Variants in SETD2 observed in about 807,000 individuals in gnomAD.
The protein encoded by SETD2 is histone-lysine N-methyltransferase SETD2.
A neutral mutation model predicts 242.1 loss-of-function variants in SETD2; 31 were observed. The ratio of observed to expected loss-of-function variants is 0.13; its 90% CI spans 0.10 to 0.17. The LOEUF (loss-of-function observed/expected upper bound fraction) is 0.17, where lower values mean the gene tolerates loss of function less well. Ranked by LOEUF, SETD2 falls within the 10% of genes least tolerant of loss-of-function variation. The probability of loss-of-function intolerance (pLI) is 1.00; values close to 1 mark genes in which losing one functional copy is unlikely to be tolerated. For missense variants in SETD2, 2,481 were observed against 3,046.3 expected (o/e 0.81, Z 4.37); for synonymous variants, 1,006 against 1,066.5 (o/e 0.94, Z 1.11).
rs575386011 is a variant in SETD2 at position 47,066,395 on chromosome 3, T to C, written c.6109+675A>G. On this transcript the variant is annotated intron_variant, in intron 13 of 20. Coordinates refer to ENST00000409792, the MANE Select transcript of SETD2 (RefSeq NM_014159.7). ...CAGGGCCTCACTTTGTTGCTCAGGC[T>C]GGAGTACAGTGGCACGATCATGGCT... Among the ~76,000 whole-genome samples, 9 of 152,220 alleles carry C rather than the reference T, an allele frequency of 5.9e-5. 1 individual carries two copies. The East Asian group carries it at 1.5e-3, about 26-fold the overall frequency.
In SETD2 at chr3:47,084,163, G is replaced by A. The variant is rs2107639659; in HGVS notation, c.5617C>T (p.Pro1873Ser). Residue 1873 changes from proline (P) to serine (S), a missense_variant, in exon 12 of 21, where the codon CCC becomes TCC. Pro to Ser is a moderately conservative substitution (Grantham distance 74). This residue lies in a region of SETD2 where 203 missense variants were observed against 222.4 expected (regional missense o/e 0.91). Transcript: ENST00000409792. Reference protein sequence around the residue: ...KLSTEADTDTPKKLMFRRLKI... With the variant: ...KLSTEADTDTSKKLMFRRLKI... ...AGTCTGCGAAACATTAGTTTCTTGG[G>A]AGTGTCTGTGTCAGCTTCTGTGCTC... 1.9e-6 allele frequency: 3 copies of A among 1,614,110 alleles called. No homozygotes were observed. The South Asian group carries it at 3.3e-5, about 18-fold the overall frequency.
chr3:47,058,731 G>A (rs1318179737), intron 14 of SETD2, among the ~76,000 whole-genome samples: 1 of 151,988 alleles, frequency 6.6e-6, no homozygotes, highest in Non-Finnish European at 1.5e-5. Context: ...CAGAGGGTCA[G>A]AAAGCAGATC....
chr3:47,149,389 G>C (rs1406603095), intron 1 of SETD2, among the ~76,000 whole-genome samples: 1 of 150,980 alleles, frequency 6.6e-6, no homozygotes, highest in African/African-American at 2.4e-5. Flanking sequence ...CAAGCTAAAG[G>C]GGAAAAAAAA....
At chr3:47,034,780 A>G (rs1448590115) in intron 18 of SETD2, among the ~76,000 whole-genome samples, 1 of 152,228 alleles carries the variant, frequency 6.6e-6, no homozygotes, top group Non-Finnish European at 1.5e-5. Flanking sequence ...CCTGGGAGCA[A>G]TAGCCTTGCC....
chr3:47,086,549 CTAACGTAGAAAATTA>C, intron 10 of SETD2, among the ~76,000 whole-genome samples: 1 of 152,218 alleles, frequency 6.6e-6, no homozygotes, highest in African/African-American at 2.4e-5. Flanking sequence ...TGGGATTTTA[CTAACGTAGAAAATTA>C]TATGAATATT....
At chr3:47,078,877 T>A (rs953083150) in intron 12 of SETD2, among the ~76,000 whole-genome samples, 5 of 152,012 alleles carry the variant, frequency 3.3e-5, no homozygotes, top group Admixed American at 6.6e-5. Flanking sequence ...ACTACAGGCA[T>A]GTGCCACCAT....
intron 12 of SETD2, chr3:47,080,737 T>C (rs2041284985): frequency 2.1e-6 from 2 of 949,102 alleles, no homozygotes. Context: ...GGAGTCAAAA[T>C]GTGTAAGCCT....
intron 1 of SETD2, among the ~76,000 whole-genome samples, chr3:47,139,735 TA>T (rs200997157): frequency 7.3e-5 from 11 of 151,226 alleles, no homozygotes; most frequent in Non-Finnish European, 1.6e-4. Context: ...ACAAGTGAAT[TA>T]AAAAAAAACA....
intron 12 of SETD2, among the ~76,000 whole-genome samples, chr3:47,068,003 G>A (rs2040639067): frequency 1.3e-5 from 2 of 152,114 alleles, no homozygotes; most frequent in African/African-American, 4.8e-5. Context: ...CTGTTTTAAA[G>A]GCTTTTAAGT....
Position 47,113,163 on chromosome 3 carries a change from G to A in SETD2, c.4715+713C>T, listed in dbSNP as rs1190169967. The stretch of plus-strand genomic sequence containing the variant: ...CTGCCATCCAGGCTAGAATGCAGTG[G>A]CGTGATCACAGCTCACTGTAACCTT... On this transcript the variant is annotated intron_variant, in intron 5 of 20. Coordinates refer to ENST00000409792, the MANE Select transcript of SETD2 (RefSeq NM_014159.7). 2.0e-5 allele frequency among the ~76,000 whole-genome samples: 3 copies of A among 151,684 alleles called. No individual in the cohort carries two copies. In the East Asian group the frequency reaches 5.8e-4, roughly 30 times the overall value.
intron 12 of SETD2, among the ~76,000 whole-genome samples, chr3:47,078,270 A>G (rs2041177095): frequency 6.6e-6 from 1 of 152,218 alleles, no homozygotes; most frequent in Non-Finnish European, 1.5e-5. Flanking sequence ...CAATGCTAGT[A>G]ATGGGACAAT....
At chr3:47,103,306 G>A (rs368504305) in intron 7 of SETD2, 40 bp downstream of exon 7, 78 of 1,389,974 alleles carry the variant, frequency 5.6e-5, no homozygotes, top group Non-Finnish European at 7.2e-5. Context: ...AACAGCAATC[G>A]TGAACAAATA....
chr3:47,072,976 A>AAAAAAAAAAAAAAAAAAAAAAAAAAAAAC, intron 12 of SETD2, among the ~76,000 whole-genome samples: 1 of 148,586 alleles, frequency 6.7e-6, no homozygotes, highest in Non-Finnish European at 1.5e-5. Context: ...GAAAGAAAGA[A>AAAAAAAAAAAAAAAAAAAAAAAAAAAAAC]AAAAAAAAAG....
chr3:47,036,571 C>A (rs141207344), intron 18 of SETD2, among the ~76,000 whole-genome samples: 195 of 151,782 alleles, frequency 1.3e-3, no homozygotes, highest in African/African-American at 4.6e-3. Flanking sequence ...TTTGAACAGA[C>A]CAATCACGAA....
chr3:47,094,164 A>C (rs1176632427), intron 9 of SETD2, among the ~76,000 whole-genome samples: 3 of 152,212 alleles, frequency 2.0e-5, no homozygotes, highest in African/African-American at 7.2e-5. Flanking sequence ...ATAGAGACTA[A>C]GGGAAGTTTC....
rs149022281 is a variant in SETD2 at position 47,151,759 on chromosome 3, G to A, written c.71+12095C>T. Among the ~76,000 whole-genome samples the A allele has an allele frequency of 1.7e-3, 255 of 151,300 alleles. 2 individuals carry two copies. Among genetic ancestry groups the A allele is most frequent in the African/African-American group, 5.4e-3 (224 of 41,168 alleles). On this transcript the variant is annotated intron_variant, in intron 1 of 20. Coordinates refer to ENST00000409792, the MANE Select transcript of SETD2 (RefSeq NM_014159.7). ...GGAGAATTACTTGAACCCGGGAAGC[G>A]GAGGTTGCAGAGAGCCAAGATCGCA...
chr3:47,066,547 C>T (rs1211267880), intron 13 of SETD2, among the ~76,000 whole-genome samples: 3 of 152,036 alleles, frequency 2.0e-5, no homozygotes, highest in African/African-American at 4.8e-5. Context: ...CAGGGTTTCA[C>T]CATGTTTCCC....
chr3:47,057,912 T>A (rs2040148542), intron 14 of SETD2, among the ~76,000 whole-genome samples: 1 of 152,164 alleles, frequency 6.6e-6, no homozygotes, highest in Non-Finnish European at 1.5e-5. Context: ...GGAGATTAGA[T>A]ATGAAGAGAA....
intron 4 of SETD2, among the ~76,000 whole-genome samples, chr3:47,114,777 G>A (rs1032523493): frequency 4.6e-5 from 7 of 151,606 alleles, no homozygotes; most frequent in Admixed American, 2.6e-4. Flanking sequence ...TACTTGGGAG[G>A]CTGAGGCAGG....
Sources: gnomAD v4.1 joint callset for allele counts (sites outside exome capture counted in the v4.1 genomes callset) on GRCh38, gnomAD v4.1.1 for gene constraint, gnomAD v4.1.1 regional missense constraint, MANE v1.5 for transcripts, NCBI Gene and HGNC (gene_info 2026-07-23, HGNC 2026-07-21) for gene names.